Variants in MUC4 observed in about 807,000 individuals in gnomAD.
MUC4 encodes mucin-4.
In MUC4, 202 loss-of-function variants were observed where a neutral mutation model predicts 257.9. The ratio of observed to expected loss-of-function variants is 0.78; its 90% confidence interval spans 0.70 to 0.88. MUC4 has a LOEUF of 0.88. Ranked by LOEUF, MUC4 falls within the 40% of genes least tolerant of loss-of-function variation. MUC4 has a pLI of 0.00. For synonymous variants in MUC4, 2,351 were observed against 2,757.1 expected (o/e 0.85, Z 4.62); for missense variants, 5,976 against 6,513.7 (o/e 0.92, Z 2.84).
intron 14 of MUC4, 49 bp from the exon 15 acceptor site, chr3:195,761,634 C>T (rs1560242494): frequency 8.4e-6 from 12 of 1,435,154 alleles, no homozygotes; most frequent in Non-Finnish European, 1.2e-5. Flanking sequence ...CGGCTGTCCC[C>T]TTCCTGGGGA....
At chr3:195,751,836 C>T (rs908918923) in intron 21 of MUC4, 10 of 192,512 alleles carry the variant, frequency 5.2e-5, no homozygotes, top group African/African-American at 2.1e-4. Context: ...ATCATTTAAA[C>T]GGTGATACGG....
chr3:195,770,088 G>A, intron 6 of MUC4, 128 bp downstream of exon 6: 2 of 1,004,952 alleles, frequency 2.0e-6, no homozygotes, highest in Non-Finnish European at 2.7e-6. Flanking sequence ...GGTGGCGGTG[G>A]GGGGGCTTGC....
chr3:195,777,675 C>T lies in MUC4; in HGVS notation c.12943+628G>A, dbSNP rs1215681454. The stretch of plus-strand genomic sequence containing the variant: ...CCTTCCACACCCATACCTTCCACAC[C>T]CATACCTTCCACATCCATACCTTCC... On this transcript the variant is annotated intron_variant, in intron 3 of 24. Transcript: ENST00000463781. 9.1e-4 allele frequency among the ~76,000 whole-genome samples: 32 copies of T among 35,282 alleles called. 1 individual carries two copies. Among genetic ancestry groups the T allele is most frequent in the Middle Eastern group, 0.016 (1 of 62 alleles). 23.1% of individuals were successfully genotyped at this position (35,282 alleles called of 152,430 possible).
chr3:195,789,826 C>A lies in MUC4; in HGVS notation c.1754G>T (p.Ser585Ile). The A allele has an allele frequency of 6.2e-7, 1 of 1,613,910 alleles. No homozygotes were observed. The highest frequency in any genetic ancestry group is 8.5e-7 in the Non-Finnish European group (1 of 1,179,852). The change falls in exon 2 of 25, where the codon AGT becomes ATT. Residue 585 changes from serine to isoleucine, a missense_variant. Coordinates refer to ENST00000463781, the MANE Select transcript of MUC4 (RefSeq NM_018406.7). The part of the protein sequence containing the change: ...GEALLSSPSY[S>I]VTQMIKTATS... ...GGCCGTTTTTATCATCTGAGTCACA[C>A]TGTAGCTTGGGCTGCTGAGAAGAGC...
intron 1 of MUC4, among the ~76,000 whole-genome samples, chr3:195,804,526 C>T (rs1212677534): frequency 6.6e-6 from 1 of 152,246 alleles, no homozygotes; most frequent in Non-Finnish European, 1.5e-5. Flanking sequence ...TTATTCCTAG[C>T]ATCTGGTCTG....
At chr3:195,804,584 G>A (rs1166082186) in intron 1 of MUC4, among the ~76,000 whole-genome samples, 4 of 152,242 alleles carry the variant, frequency 2.6e-5, no homozygotes, top group African/African-American at 4.8e-5. Context: ...CCCGTAAGCC[G>A]TATCGCCACA....
Position 195,778,859 on chromosome 3 carries a change from G to C in MUC4, c.12721C>G (p.Leu4241Val), listed in dbSNP as rs1198133325. ...GCTGAGGTAGCACTGCTGACAGCAA[G>C]AGGGGTGGCGTGACCTGTGGATACT... ...SSVSTGHATP[L>V]AVSSATSAST... Residue 4241 changes from leucine to valine, a missense_variant, in exon 2 of 25, where the codon CTT (leucine) becomes GTT (valine). By Grantham distance (32) the Leu-to-Val change is conservative. This residue lies in a region of MUC4 where 233 missense variants were observed against 171.2 expected (regional missense o/e 1.36). Coordinates refer to ENST00000463781, the MANE Select transcript of MUC4 (RefSeq NM_018406.7). 6.2e-7 allele frequency: 1 copy of C among 1,610,392 alleles called. No homozygotes were observed. The highest frequency in any genetic ancestry group is 8.5e-7 in the Non-Finnish European group (1 of 1,178,688).
At chr3:195,770,702 C>T (rs1383814963) in intron 5 of MUC4, 1 of 438,310 alleles carries the variant, frequency 2.3e-6, no homozygotes, top group Non-Finnish European at 4.3e-6. Flanking sequence ...TCTGCAGCTT[C>T]TTGAGAACAG....
Position 195,747,384 on chromosome 3 carries a change from G to A in MUC4, c.16035-4C>T. ...GTAGATGGAGAAGGACACACAGCTGGTGACCAAGAGAGACAGACAGGCGGT... is the reference window on the plus strand; with the variant it reads ...GTAGATGGAGAAGGACACACAGCTGATGACCAAGAGAGACAGACAGGCGGT... On this transcript the variant is annotated splice_region_variant and splice_polypyrimidine_tract_variant and intron_variant, in intron 24 of 24. Transcript: ENST00000463781. The A allele has an allele frequency of 6.2e-7, 1 of 1,613,256 alleles. No individual in the cohort carries two copies. Among genetic ancestry groups the A allele is most frequent in the Non-Finnish European group, 8.5e-7 (1 of 1,179,490 alleles).
rs1182760918 is a variant in MUC4 at position 195,756,739 on chromosome 3, T to C, written c.15168+408A>G. ...GTACAATGGCGCAATCTTGGCTCACTGTAACCTCCACCTCCCGGGTGCAAG... is the reference window on the plus strand; with the variant it reads ...GTACAATGGCGCAATCTTGGCTCACCGTAACCTCCACCTCCCGGGTGCAAG... On this transcript the variant is annotated intron_variant, in intron 18 of 24. Transcript: ENST00000463781. Among the ~76,000 whole-genome samples, 4 of 151,948 alleles carry C rather than the reference T, an allele frequency of 2.6e-5. No individual in the cohort carries two copies. The South Asian group carries it at 8.3e-4, about 32-fold the overall frequency.
chr3:195,778,328 G>A lies in MUC4; in HGVS notation c.12918C>T (p.Ala4306=), dbSNP rs944286109. Residue 4306 remains alanine, a synonymous_variant, in exon 3 of 25, where the codon GCC becomes GCT. Transcript: ENST00000463781. ...STAMHTRSTA[A]PIPILPERGV... is the part of the protein sequence containing the mutation. ...CTCTCTCAGGCAGGATGGGGATGGG[G>A]GCAGCTGTGGAGCGGGTGTGCATGG... is the stretch of plus-strand genomic sequence containing the variant. 3.1e-6 allele frequency: 5 copies of A among 1,612,052 alleles called. No homozygotes were observed. Among genetic ancestry groups the A allele is most frequent in the Non-Finnish European group, 4.2e-6 (5 of 1,179,642 alleles).
At chr3:195,765,245 G>GT in intron 9 of MUC4, 25 bp downstream of exon 9, 1 of 1,596,772 alleles carries the variant, frequency 6.3e-7, no homozygotes, top group Non-Finnish European at 8.6e-7. Flanking sequence ...GGGTGGGCTT[G>GT]TGGGGGGCGG....
In MUC4 at chr3:195,782,753, TG is replaced by T. The variant is rs1728889331; in HGVS notation, c.8826del (p.Thr2943ProfsTer61). ...TSLSSVSTGD[T>X]TPLPVTDTSS... ...GAAGTGTCGGTGACAGGAAGAGGGG[TG>T]GTGTCACCTGTGGATACTGAGGAAA... On this transcript the variant is annotated frameshift_variant, in exon 2 of 25. Transcript: ENST00000463781. LOFTEE classifies it high-confidence loss of function. The T allele has an allele frequency of 6.6e-7, 1 of 1,523,756 alleles. No individual in the cohort carries two copies. Among genetic ancestry groups the T allele is most frequent in the Admixed American group, 2.0e-5 (1 of 49,068 alleles). The allele number at this position is 1,523,756 out of a possible 1,614,324, so 94.4% of individuals were successfully genotyped here.
In MUC4 at chr3:195,778,475, A is replaced by C. The variant is rs1199904065; in HGVS notation, c.12791-20T>G. On this transcript the variant is annotated intron_variant, in intron 2 of 24. Coordinates refer to ENST00000463781, the MANE Select transcript of MUC4 (RefSeq NM_018406.7). ...TCATTCCTGGACACGTGAAAAGACA[A>C]GGCGGGGTGTTTCTTACAGTAACAA... 1 of 1,608,846 alleles carries C rather than the reference A, an allele frequency of 6.2e-7. No individual in the cohort carries two copies. Among genetic ancestry groups the C allele is most frequent in the East Asian group, 2.2e-5 (1 of 44,874 alleles).
Position 195,748,941 on chromosome 3 carries a change from C to T in MUC4, c.15995G>A (p.Gly5332Glu). The T allele has an allele frequency of 6.3e-7, 1 of 1,599,900 alleles. No homozygotes were observed. Among genetic ancestry groups the T allele is most frequent in the Non-Finnish European group, 8.5e-7 (1 of 1,173,198 alleles). ...SPCSRGYCDHGGQCQHLPSGP... is the reference protein window; with the variant it reads ...SPCSRGYCDHEGQCQHLPSGP... ...ACTGGGCAGGTGCTGGCACTGGCCT[C>T]CATGGTCACAGTAGCCCCTACTGCA... is the stretch of plus-strand genomic sequence containing the variant. Residue 5332 changes from glycine to glutamate, a missense_variant, in exon 24 of 25, where the codon GGA (glycine) becomes GAA (glutamate). By Grantham distance (98) the Gly-to-Glu change is moderately conservative (BLOSUM62 -2). Coordinates refer to ENST00000463781, the MANE Select transcript of MUC4 (RefSeq NM_018406.7).
rs1425509749 is a variant in MUC4 at position 195,780,433 on chromosome 3, G to C, written c.11147C>G (p.Thr3716Ser). 1 of 1,536,114 alleles carries C rather than the reference G, an allele frequency of 6.5e-7. No individual in the cohort carries two copies. ...SSGHTTPLPV[T>S]STSSVSTGHV... Reference sequence around the variant, plus strand: ...ACCTGTAGATACTGAGGAAGTGCTGGTGACAGGAAGAGGGGTGGTGTGACC... The same window carrying C: ...ACCTGTAGATACTGAGGAAGTGCTGCTGACAGGAAGAGGGGTGGTGTGACC... The change falls in exon 2 of 25, where the codon ACC becomes AGC. Residue 3716 changes from threonine to serine, a missense_variant. Physicochemically the swap from Thr to Ser is moderately conservative, Grantham distance 58 (BLOSUM62 1). Transcript: ENST00000463781.
rs527453163 is a variant in MUC4 at position 195,755,735 on chromosome 3, G to A, written c.15169-1363C>T. On this transcript the variant is annotated intron_variant, in intron 18 of 24. Coordinates refer to ENST00000463781, the MANE Select transcript of MUC4 (RefSeq NM_018406.7). The surrounding 1 kb of genome is among the most constrained non-coding windows in gnomAD (Gnocchi z 5.0). ...TTGGGGATCTGTGGAATAGTATATT[G>A]ATTTCAATCTCTTTTTCCCATTGTG... Among the ~76,000 whole-genome samples the A allele has an allele frequency of 6.6e-6, 1 of 152,244 alleles. No homozygotes were observed. Among genetic ancestry groups the A allele is most frequent in the East Asian group, 1.9e-4 (1 of 5,178 alleles).
In MUC4 at chr3:195,783,993, A is replaced by G. The variant is rs554434541; in HGVS notation, c.7587T>C (p.Leu2529=). The change falls in exon 2 of 25, where the codon CTT becomes CTC. Residue 2529 remains leucine (L), a synonymous_variant. Transcript: ENST00000463781. ...PSASTGDTTP[L]PVTNASSLST... ...ATAATGAGGAAGCATTGGTGACAGG[A>G]AGAGGGGTGGTGTCACCTGTGGATG... 4 of 1,528,296 alleles carry G rather than the reference A, an allele frequency of 2.6e-6. No homozygotes were observed. Among genetic ancestry groups the G allele is most frequent in the East Asian group, 5.0e-5 (2 of 39,920 alleles). 94.7% of individuals were successfully genotyped at this position (1,528,296 alleles called of 1,614,324 possible).
intron 4 of MUC4, among the ~76,000 whole-genome samples, chr3:195,773,367 C>T (rs1162879555): frequency 2.0e-5 from 3 of 151,676 alleles, no homozygotes; most frequent in Non-Finnish European, 4.4e-5. Flanking sequence ...TGTAGACACC[C>T]TCTCTCCATC....
Sources: gnomAD v4.1 joint callset for allele counts (sites outside exome capture counted in the v4.1 genomes callset) on GRCh38, gnomAD v4.1.1 for gene constraint, gnomAD v4.1.1 regional missense constraint, Gnocchi (gnomAD v3.1) non-coding constraint, MANE v1.5 for transcripts, NCBI Gene and HGNC (gene_info 2026-07-23, HGNC 2026-07-21) for gene names.